Variants in HEATR4 observed in about 807,000 individuals in gnomAD.
The protein encoded by HEATR4 is HEAT repeat containing 4.
Under a neutral mutation model 108.8 loss-of-function variants are expected in HEATR4, and 95 were observed. That is an observed-to-expected ratio of 0.87 (90% CI 0.74 to 1.04). The LOEUF (loss-of-function observed/expected upper bound fraction) is 1.04. Among genes scored for constraint, HEATR4 ranks in the 50% least tolerant of loss-of-function variants. The probability of loss-of-function intolerance (pLI) is 0.00; values close to 1 mark genes in which losing one functional copy is unlikely to be tolerated. For synonymous variants in HEATR4, 443 were observed against 459.4 expected (o/e 0.96, Z 0.46); for missense variants, 1,152 against 1,253.8 (o/e 0.92, Z 1.23).
intron 3 of HEATR4, among the ~76,000 whole-genome samples, 189 bp downstream of exon 3, chr14:73,522,083 A>C (rs976343538): frequency 1.3e-5 from 2 of 152,242 alleles, no homozygotes; most frequent in African/African-American, 2.4e-5. Flanking sequence ...AAAATTATCC[A>C]ACCCAGAATG....
In HEATR4 at chr14:73,506,484, T is replaced by C; in HGVS notation, c.1969A>G (p.Ser657Gly). Reference protein sequence around the residue: ...IVACQAFSRISGNVCLDMKHK... With the variant: ...IVACQAFSRIGGNVCLDMKHK... ...AGGTTTACCAAGCAGACATTTCCAC[T>C]GATCCGGGAGAAAGCCTGGCAGGCC... The change falls in exon 10 of 18, where the codon AGT (serine) becomes GGT (glycine). Residue 657 changes from serine (S) to glycine (G), a missense_variant. Coordinates refer to ENST00000553558, the MANE Select transcript of HEATR4 (RefSeq NM_001220484.1). 1 of 1,613,622 alleles carries C rather than the reference T, an allele frequency of 6.2e-7. No individual in the cohort carries two copies. Among genetic ancestry groups the C allele is most frequent in the Non-Finnish European group, 8.5e-7 (1 of 1,179,876 alleles).
chr14:73,511,932 G>A (rs1661149026), intron 7 of HEATR4, 74 bp downstream of exon 7: 1 of 1,579,550 alleles, frequency 6.3e-7, no homozygotes, highest in South Asian at 1.1e-5. Flanking sequence ...TAAGCCCTGG[G>A]TCCCTACCAG....
chr14:73,619,453 G>T, the HEATR4 span: 1 of 1,614,184 alleles, frequency 6.2e-7, no homozygotes, highest in East Asian at 2.2e-5. Context: ...CACTTTTATG[G>T]ACACTTGGAG....
At chr14:73,553,572 T>C (rs1445519897) in intron 1 of HEATR4, among the ~76,000 whole-genome samples, 1 of 114,332 alleles carries the variant, frequency 8.7e-6, no homozygotes, top group Non-Finnish European at 1.9e-5. Flanking sequence ...AAATAAAAAT[T>C]ATTGCTGTGG....
the HEATR4 span, among the ~76,000 whole-genome samples, chr14:73,621,081 C>T: frequency 8.6e-5 from 13 of 151,970 alleles, no homozygotes; most frequent in South Asian, 1.7e-3. Flanking sequence ...GGCAAGGTGG[C>T]GGGCACCTGT....
the HEATR4 span, among the ~76,000 whole-genome samples, chr14:73,600,400 C>T: frequency 6.6e-6 from 1 of 151,866 alleles, no homozygotes; most frequent in Non-Finnish European, 1.5e-5. Flanking sequence ...GTATTCTCTG[C>T]CTTTTAAGTT....
In HEATR4 at chr14:73,541,515, T is replaced by G. The variant is rs776297233; in HGVS notation, c.-151-11271A>C. 4.8e-6 allele frequency: 6 copies of G among 1,245,034 alleles called. 1 individual carries two copies. The African/African-American group carries it at 6.5e-5, about 13-fold the overall frequency. 77.1% of individuals were successfully genotyped at this position (1,245,034 alleles called of 1,614,324 possible). A position where few individuals can be genotyped will look rare whatever the true frequency, so the allele number is the denominator to read the frequency against. Reference sequence around the variant, plus strand: ...AAGAACCTGGGCCCTTTCCTGGCATTGTGGACATGTTCGGAACTGGAGGTG... The same window carrying G: ...AAGAACCTGGGCCCTTTCCTGGCATGGTGGACATGTTCGGAACTGGAGGTG... On this transcript the variant is annotated intron_variant, in intron 1 of 17. Coordinates refer to ENST00000553558, the MANE Select transcript of HEATR4 (RefSeq NM_001220484.1).
At chr14:73,511,806 T>C (rs953097823) in intron 7 of HEATR4, among the ~76,000 whole-genome samples, 200 bp downstream of exon 7, 6 of 152,302 alleles carry the variant, frequency 3.9e-5, no homozygotes, top group African/African-American at 1.4e-4. Flanking sequence ...GAAATGTAGT[T>C]CAAAAATTAC....
upstream of HEATR4, among the ~76,000 whole-genome samples, chr14:73,562,124 A>C (rs1009001324): frequency 2.6e-5 from 4 of 152,044 alleles, no homozygotes; most frequent in African/African-American, 9.7e-5. Flanking sequence ...ATTCAGAGAC[A>C]GGAAGTGGAA....
the HEATR4 span, among the ~76,000 whole-genome samples, chr14:73,567,145 C>T: frequency 1.8e-4 from 28 of 151,996 alleles, no homozygotes; most frequent in African/African-American, 5.6e-4. Context: ...CTATGTTGTC[C>T]AGGTTGGTGC....
At chr14:73,613,448 T>C in the HEATR4 span, among the ~76,000 whole-genome samples, 1 of 152,204 alleles carries the variant, frequency 6.6e-6, no homozygotes, top group Admixed American at 6.5e-5. Context: ...AAGAAGGATT[T>C]TTGCCTCCTT....
At chr14:73,502,634 G>A (rs978081970) in intron 11 of HEATR4, among the ~76,000 whole-genome samples, 1 of 151,838 alleles carries the variant, frequency 6.6e-6, no homozygotes, top group African/African-American at 2.4e-5. Context: ...TGCAACCTCC[G>A]CCTCCCAGGT....
At position 73,553,841 on chromosome 14, in the gene HEATR4, T is replaced by C. The variant is rs1889360882; in HGVS notation, c.-152+4910A>G. On this transcript the variant is annotated intron_variant, in intron 1 of 17. Transcript: ENST00000553558. ...ACTAGGCTCTAGCACTAGGCCCCAA[T>C]AGACAAGACTAAAAACCAAAATGGC... Among the ~76,000 whole-genome samples, 3 of 114,370 alleles carry C rather than the reference T, an allele frequency of 2.6e-5. 1 individual carries two copies. In the Admixed American group the frequency reaches 3.0e-4, roughly 11 times the overall value. The allele number at this position is 114,370 out of a possible 152,430, so 75.0% of individuals were successfully genotyped here.
At chr14:73,622,056 C>A in the HEATR4 span, among the ~76,000 whole-genome samples, 1 of 152,020 alleles carries the variant, frequency 6.6e-6, no homozygotes, top group Non-Finnish European at 1.5e-5. Context: ...AATCACTGCG[C>A]CTGGCCTGTG....
At chr14:73,520,760 C>T in intron 4 of HEATR4, 92 bp downstream of exon 4, 3 of 1,212,812 alleles carry the variant, frequency 2.5e-6, no homozygotes, top group Non-Finnish European at 2.4e-6. Context: ...GCCTCTTGTC[C>T]ATACCCACAA....
chr14:73,532,450 A>G lies in HEATR4; in HGVS notation c.-151-2206T>C, dbSNP rs192608858. ...TCTTCAGGAGTCCTGTTGTGAAACA[A>G]ACTAATTTATCCTGACAGCAGGAAA... On this transcript the variant is annotated intron_variant, in intron 1 of 17. Transcript: ENST00000553558. 1.7e-5 allele frequency among the ~76,000 whole-genome samples: 2 copies of G among 116,186 alleles called. 1 individual carries two copies. Among genetic ancestry groups the G allele is most frequent in the Non-Finnish European group, 3.8e-5 (2 of 53,148 alleles). The allele number at this position is 116,186 out of a possible 152,430, so 76.2% of individuals were successfully genotyped here. A position where few individuals can be genotyped will look rare whatever the true frequency, so the allele number is the denominator to read the frequency against.
intron 17 of HEATR4, among the ~76,000 whole-genome samples, chr14:73,488,215 C>G (rs966895663): frequency 1.8e-4 from 28 of 152,280 alleles, no homozygotes; most frequent in African/African-American, 6.5e-4. Flanking sequence ...GTGATTAGAT[C>G]ATGGGGGCAG....
Position 73,495,399 on chromosome 14 carries a change from C to A in HEATR4, c.2626-12G>T, listed in dbSNP as rs1886056284. The A allele has an allele frequency of 6.2e-7, 1 of 1,606,350 alleles. No individual in the cohort carries two copies. The highest frequency in any genetic ancestry group is 8.5e-7 in the Non-Finnish European group (1 of 1,175,884). ...CTTAGTGTTTTAATCTAAATTAGAA[C>A]AAATAATGTTTGAAAAACAAAACAA... On this transcript the variant is annotated splice_polypyrimidine_tract_variant and intron_variant, in intron 15 of 17. Coordinates refer to ENST00000553558, the MANE Select transcript of HEATR4 (RefSeq NM_001220484.1).
At chr14:73,589,355 T>A in the HEATR4 span, among the ~76,000 whole-genome samples, 5 of 152,108 alleles carry the variant, frequency 3.3e-5, no homozygotes, top group Admixed American at 1.3e-4. Context: ...AGTTTCGCTC[T>A]GTCACCGATG....
Sources: allele counts gnomAD v4.1 joint callset (sites outside exome capture counted in the v4.1 genomes callset), GRCh38; gene constraint gnomAD v4.1.1; transcripts MANE v1.5; gene names NCBI Gene and HGNC (gene_info 2026-07-23, HGNC 2026-07-21).